The following IGLL5 variants were observed in gnomAD, a reference collection of about 807,000 sequenced individuals.
IGLL5 encodes the protein immunoglobulin lambda-like polypeptide 5.
In IGLL5, 30 loss-of-function variants were observed where a neutral mutation model predicts 20.9. The observed-to-expected ratio is 1.44, with a 90% CI of 1.07 to 1.95. The LOEUF is 1.95. IGLL5 is among the 30% of genes most tolerant of loss of function. The pLI, the probability that IGLL5 is intolerant of heterozygous loss-of-function variation, is 0.00. For missense variants in IGLL5, 475 were observed against 270.7 expected, an observed-to-expected ratio of 1.75 and a Z score of -5.30; for synonymous variants, 203 against 117.3, an observed-to-expected ratio of 1.73 and a Z score of -4.72.
intron 1 of IGLL5, among the ~76,000 whole-genome samples, 157 bp downstream of exon 1, chr22:22,888,416 A>C (rs541387672): frequency 6.6e-6 from 1 of 151,368 alleles, no homozygotes; most frequent in African/African-American, 2.4e-5. Flanking sequence ...TATTTTGTCC[A>C]TCACAGATTT....
chr22:22,894,550 A>G (rs5759508), intron 2 of IGLL5, among the ~76,000 whole-genome samples: 2 of 151,496 alleles, frequency 1.3e-5, no homozygotes, highest in Middle Eastern at 3.7e-3. Flanking sequence ...CTGTTCACGG[A>G]TCGGCCTCCT....
rs187721279 is a variant in IGLL5, at chr22:22,887,839, A to T, written c.-215A>T. The stretch of plus-strand genomic sequence containing the variant: ...TTGTGACCGCTTCAGGGCAGTTGGT[A>T]GATGCCCCTCTGGGAGAGATCCCCA... On this transcript the variant is annotated 5_prime_UTR_variant, in exon 1 of 3. Transcript: ENST00000526893. 4 of 605,392 alleles carry T rather than the reference A, an allele frequency of 6.6e-6. No homozygotes were observed. Among genetic ancestry groups the T allele is most frequent in the East Asian group, 2.8e-5 (1 of 35,956 alleles). The allele number at this position is 605,392 out of a possible 1,614,324, so 37.5% of individuals were successfully genotyped here. A position where few individuals can be genotyped will look rare whatever the true frequency, so the allele number is the denominator to read the frequency against.
intron 1 of IGLL5, among the ~76,000 whole-genome samples, chr22:22,888,695 G>C (rs539733058): frequency 6.6e-6 from 1 of 151,316 alleles, no homozygotes; most frequent in African/African-American, 2.4e-5. Flanking sequence ...CCTGGAGAAG[G>C]CAGCAAGGGC....
At chr22:22,893,935 A>C (rs1454657314) in intron 2 of IGLL5, 117 bp downstream of exon 2, 16 of 775,430 alleles carry the variant, frequency 2.1e-5, no homozygotes, top group East Asian at 7.6e-5. Context: ...ACTGACCCTT[A>C]CCTTTCTCCA....
At position 22,888,453 on chromosome 22, in the gene IGLL5, A is replaced by G. The variant is rs1168053430; in HGVS notation, c.206+194A>G. ...TTTGAATTACTGTTTTTAATATCAT[A>G]TTACGATATTATTTTTCTTGATTTC... On this transcript the variant is annotated intron_variant, in intron 1 of 2. Coordinates refer to ENST00000526893, the MANE Select transcript of IGLL5 (RefSeq NM_001178126.2). 9.9e-5 allele frequency among the ~76,000 whole-genome samples: 15 copies of G among 151,298 alleles called. No homozygotes were observed. The East Asian group carries it at 1.4e-3, about 14-fold the overall frequency.
chr22:22,895,108 G>C (rs1307734585), intron 2 of IGLL5, among the ~76,000 whole-genome samples: 2 of 151,430 alleles, frequency 1.3e-5, no homozygotes, highest in Admixed American at 6.6e-5. Flanking sequence ...GCCTGCCCTG[G>C]GTATATGGAG....
intron 2 of IGLL5, among the ~76,000 whole-genome samples, chr22:22,894,731 A>G (rs546642977): frequency 2.0e-5 from 3 of 151,166 alleles, no homozygotes; most frequent in Admixed American, 6.6e-5. Context: ...GGAACAGCTG[A>G]GGTGAAGGGT....
intron 2 of IGLL5, 69 bp downstream of exon 2, chr22:22,893,887 T>A (rs2067941743): frequency 9.3e-7 from 1 of 1,077,436 alleles, no homozygotes; most frequent in Non-Finnish European, 1.4e-6. Context: ...GTTTTCTCTC[T>A]CTGGGGCTTC....
intron 2 of IGLL5, among the ~76,000 whole-genome samples, chr22:22,894,610 A>C (rs2066673608): frequency 1.3e-5 from 2 of 151,018 alleles, no homozygotes; most frequent in Middle Eastern, 3.8e-3. Context: ...GAGGGGAGTG[A>C]ATGAGGGGTG....
intron 2 of IGLL5, among the ~76,000 whole-genome samples, chr22:22,894,644 T>G (rs2066677771): frequency 6.7e-6 from 1 of 149,786 alleles, no homozygotes; most frequent in Admixed American, 6.7e-5. Flanking sequence ...GGCTACCAGG[T>G]GAAGTTTGGG....
intron 1 of IGLL5, among the ~76,000 whole-genome samples, chr22:22,890,117 G>T (rs1256228382): frequency 1.4e-5 from 2 of 146,596 alleles, no homozygotes; most frequent in Non-Finnish European, 3.0e-5. Context: ...TTTGTAATGA[G>T]TATATTACAA....
intron 2 of IGLL5, among the ~76,000 whole-genome samples, chr22:22,894,446 C>G (rs555985093): frequency 2.0e-5 from 3 of 151,454 alleles, no homozygotes; most frequent in South Asian, 2.1e-4. Flanking sequence ...CAGAATCCAA[C>G]CCTCCCAGGA....
chr22:22,890,898 G>A (rs982720989), intron 1 of IGLL5, among the ~76,000 whole-genome samples: 23 of 150,956 alleles, frequency 1.5e-4, no homozygotes, highest in South Asian at 8.5e-4. Context: ...GTTTTATTTC[G>A]TCTGTGAATT....
At chr22:22,894,056 G>C (rs534485281) in intron 2 of IGLL5, among the ~76,000 whole-genome samples, 2 of 151,498 alleles carry the variant, frequency 1.3e-5, no homozygotes, top group Non-Finnish European at 2.9e-5. Flanking sequence ...ATTGGGCAGG[G>C]TCAGGGCTCC....
At chr22:22,890,350 G>C (rs2067793406) in intron 1 of IGLL5, among the ~76,000 whole-genome samples, 1 of 144,794 alleles carries the variant, frequency 6.9e-6, no homozygotes, top group Admixed American at 7.0e-5. Context: ...CACACAGTTG[G>C]TGCTGGGATT....
At chr22:22,890,413 T>G (rs577513175) in intron 1 of IGLL5, among the ~76,000 whole-genome samples, 1 of 150,592 alleles carries the variant, frequency 6.6e-6, no homozygotes, top group African/African-American at 2.4e-5. Flanking sequence ...TTTTAATCTA[T>G]TATTGACACT....
Position 22,888,760 on chromosome 22 carries a change from C to G in IGLL5, c.206+501C>G, listed in dbSNP as rs12169431. Among the ~76,000 whole-genome samples, 13 of 151,292 alleles carry G rather than the reference C, an allele frequency of 8.6e-5. 1 individual carries two copies. The highest frequency in any genetic ancestry group is 3.8e-3 in the Middle Eastern group (1 of 260). The stretch of plus-strand genomic sequence containing the variant: ...TCACCAACTTGCACATAAATGCTTA[C>G]TGGGGCCAGGCTCAAGGACACAGGG... On this transcript the variant is annotated intron_variant, in intron 1 of 2. Transcript: ENST00000526893.
chr22:22,894,372 G>A (rs2068023063), intron 2 of IGLL5, among the ~76,000 whole-genome samples: 2 of 151,504 alleles, frequency 1.3e-5, no homozygotes, highest in Admixed American at 1.3e-4. Context: ...CTGCAGCTCT[G>A]TGGCCTGTGC....
chr22:22,889,307 C>G, intron 1 of IGLL5, among the ~76,000 whole-genome samples: 1 of 150,858 alleles, frequency 6.6e-6, no homozygotes, highest in Admixed American at 6.6e-5. Context: ...GAGGGCTGAG[C>G]AGAGGGGAGC....
Sources: gnomAD v4.1 joint callset for allele counts (sites outside exome capture counted in the v4.1 genomes callset) on GRCh38, gnomAD v4.1.1 for gene constraint, MANE v1.5 for transcripts, NCBI Gene and HGNC (gene_info 2026-07-23, HGNC 2026-07-21) for gene names.